Variants in CLSTN2 observed in about 807,000 individuals in gnomAD.
CLSTN2 encodes the protein calsyntenin 2.
Under a neutral mutation model 101.2 loss-of-function variants are expected in CLSTN2, and 48 were observed. That is an observed-to-expected ratio of 0.47 (90% CI 0.38 to 0.60). The LOEUF (loss-of-function observed/expected upper bound fraction) is 0.60. Among genes scored for constraint, CLSTN2 ranks in the 20% least tolerant of loss-of-function variants. CLSTN2 has a pLI of 0.00. For synonymous variants in CLSTN2, 481 were observed against 463.6 expected, an observed-to-expected ratio of 1.04 and a Z score of -0.48; for missense variants, 1,160 against 1,238.2, an observed-to-expected ratio of 0.94 and a Z score of 0.95.
chr3:140,554,315 G>GT (rs1288189260), intron 10 of CLSTN2, among the ~76,000 whole-genome samples: 2 of 152,106 alleles, frequency 1.3e-5, no homozygotes, highest in African/African-American at 4.8e-5. Context: ...TCCAACTCCT[G>GT]TTTCAGTCCA....
intron 1 of CLSTN2, among the ~76,000 whole-genome samples, chr3:140,159,811 C>A (rs2010016295): frequency 6.6e-6 from 1 of 152,134 alleles, no homozygotes; most frequent in South Asian, 2.1e-4. Context: ...TACATATATA[C>A]CATGGAATAC....
intron 4 of CLSTN2, among the ~76,000 whole-genome samples, chr3:140,407,443 C>T (rs1462421795): frequency 6.6e-6 from 1 of 152,138 alleles, no homozygotes; most frequent in Non-Finnish European, 1.5e-5. Context: ...ACCAGAGGCC[C>T]TCAGACTCCC....
intron 2 of CLSTN2, among the ~76,000 whole-genome samples, chr3:140,319,202 G>A (rs1315514211): frequency 6.6e-6 from 1 of 152,126 alleles, no homozygotes; most frequent in East Asian, 1.9e-4. Context: ...TTAAGAAAAT[G>A]TCTTGTTTCA....
intron 8 of CLSTN2, chr3:140,507,447 C>T (rs1157002343): frequency 6.6e-6 from 1 of 152,170 alleles, no homozygotes; most frequent in East Asian, 1.9e-4. Flanking sequence ...TGGGCATCCC[C>T]ATGGTTTGGG....
Position 139,986,275 on chromosome 3 carries a change from T to A in CLSTN2, c.109+50792T>A, listed in dbSNP as rs1171882280. Among the ~76,000 whole-genome samples, 5 of 152,314 alleles carry A rather than the reference T, an allele frequency of 3.3e-5. No homozygotes were observed. The East Asian group carries it at 9.6e-4, about 29-fold the overall frequency. On this transcript the variant is annotated intron_variant, in intron 1 of 16. Transcript: ENST00000458420. ...TGCACATAAAGACTTTTGCTGTGAG[T>A]CATTACCATAATTATTAATAATAAC...
At chr3:140,309,522 A>G (rs1036535227) in intron 2 of CLSTN2, among the ~76,000 whole-genome samples, 7 of 152,034 alleles carry the variant, frequency 4.6e-5, no homozygotes, top group Admixed American at 1.3e-4. Context: ...TCACAGTATC[A>G]TGGAGGGCAA....
intron 2 of CLSTN2, among the ~76,000 whole-genome samples, chr3:140,345,557 G>A (rs1474931995): frequency 6.6e-6 from 1 of 150,622 alleles, no homozygotes; most frequent in Non-Finnish European, 1.5e-5. Flanking sequence ...GCCGGATATA[G>A]CCTTTTTTTA....
At chr3:140,479,702 T>C (rs997835070) in intron 8 of CLSTN2, among the ~76,000 whole-genome samples, 2 of 151,852 alleles carry the variant, frequency 1.3e-5, no homozygotes, top group African/African-American at 4.8e-5. Context: ...AAAGTGAAAA[T>C]ATGGATTTCG....
At chr3:140,146,960 A>C (rs1341416363) in intron 1 of CLSTN2, among the ~76,000 whole-genome samples, 1 of 152,234 alleles carries the variant, frequency 6.6e-6, no homozygotes, top group Non-Finnish European at 1.5e-5. Flanking sequence ...CACTGGATAT[A>C]CAGAGACAAT....
intron 8 of CLSTN2, among the ~76,000 whole-genome samples, chr3:140,527,132 A>G (rs1477174488): frequency 1.3e-5 from 2 of 152,214 alleles, no homozygotes; most frequent in African/African-American, 4.8e-5. Flanking sequence ...AGAATTTATC[A>G]ACAGAGTAAA....
chr3:140,536,503 A>G (rs932454268), intron 9 of CLSTN2, among the ~76,000 whole-genome samples: 1 of 152,146 alleles, frequency 6.6e-6, no homozygotes, highest in Non-Finnish European at 1.5e-5. Flanking sequence ...TAACCCTCAC[A>G]TATAGACCCT....
At chr3:140,556,810 A>T (rs868534) in intron 11 of CLSTN2, 149 bp downstream of exon 11, 108,492 of 693,830 alleles carry the variant, frequency 0.16, 11,289 homozygotes, top group African/African-American at 0.44. Flanking sequence ...GATGCCTCAA[A>T]GGATCTGTGT....
chr3:140,463,291 T>C (rs114109054), intron 7 of CLSTN2, among the ~76,000 whole-genome samples: 2,483 of 152,296 alleles, frequency 0.016, 58 homozygotes, highest in African/African-American at 0.056. Context: ...GAATGATCAG[T>C]GGCTACGTAC....
chr3:140,286,234 A>T (rs531031153), intron 2 of CLSTN2, among the ~76,000 whole-genome samples: 47 of 152,266 alleles, frequency 3.1e-4, no homozygotes, highest in Middle Eastern at 6.8e-3. Flanking sequence ...CATGGATCAG[A>T]GTTGTGTGCT....
At chr3:140,073,320 AC>A (rs146357430) in intron 1 of CLSTN2, among the ~76,000 whole-genome samples, 2 of 151,942 alleles carry the variant, frequency 1.3e-5, no homozygotes, top group African/African-American at 2.4e-5. Context: ...TACCACTCCC[AC>A]CCCCCAGGAT....
intron 5 of CLSTN2, among the ~76,000 whole-genome samples, chr3:140,421,791 G>C (rs1457108699): frequency 2.0e-5 from 3 of 152,154 alleles, no homozygotes; most frequent in Non-Finnish European, 4.4e-5. Context: ...TTTGGATGGA[G>C]GTGGATTTTT....
Position 140,567,542 on chromosome 3 carries a change from A to G in CLSTN2, c.*1289A>G, listed in dbSNP as rs1985325403. On this transcript the variant is annotated 3_prime_UTR_variant, in exon 17 of 17. Transcript: ENST00000458420. The stretch of plus-strand genomic sequence containing the variant: ...TTCCATCTCCATCCTAACATGCACA[A>G]CCTGTGAAGAGAATTGTTTCTATAG... 1 of 152,168 alleles carries G rather than the reference A, an allele frequency of 6.6e-6. No individual in the cohort carries two copies. Among genetic ancestry groups the G allele is most frequent in the African/African-American group, 2.4e-5 (1 of 41,438 alleles). The allele number at this position is 152,168 out of a possible 1,614,324, so 9.4% of individuals were successfully genotyped here.
intron 1 of CLSTN2, among the ~76,000 whole-genome samples, chr3:140,047,653 C>T (rs1273425463): frequency 1.3e-5 from 2 of 152,184 alleles, no homozygotes; most frequent in African/African-American, 2.4e-5. Flanking sequence ...AGGATCTTCT[C>T]ACTGGTGGGG....
At chr3:140,436,583 C>A (rs982683313) in intron 5 of CLSTN2, among the ~76,000 whole-genome samples, 2 of 152,224 alleles carry the variant, frequency 1.3e-5, no homozygotes, top group Non-Finnish European at 1.5e-5. Context: ...TGGATCCCAG[C>A]CAGTCTGGGC....
Sources: allele counts gnomAD v4.1 joint callset (sites outside exome capture counted in the v4.1 genomes callset), GRCh38; gene constraint gnomAD v4.1.1; transcripts MANE v1.5; gene names NCBI Gene and HGNC (gene_info 2026-07-23, HGNC 2026-07-21).